The following HSD11B1L variants were observed in gnomAD, a reference collection of about 807,000 sequenced individuals.
HSD11B1L encodes the protein hydroxysteroid 11-beta dehydrogenase 1 like.
In HSD11B1L, 22 loss-of-function variants were observed where a neutral mutation model predicts 27.0. That is an observed-to-expected ratio of 0.81 (90% confidence interval 0.58 to 1.16). HSD11B1L has a LOEUF of 1.16. Ranked by LOEUF, HSD11B1L falls within the 50% of genes most tolerant of loss-of-function variation. The pLI is 0.00. For synonymous variants in HSD11B1L, 187 were observed against 189.2 expected (o/e 0.99, Z 0.09); for missense variants, 372 against 401.8 (o/e 0.93, Z 0.63).
In HSD11B1L at chr19:5,686,957, C is replaced by T. The variant is rs1214317274; in HGVS notation, c.374C>T (p.Ala125Val). ...HIGGAPAGTR[A>V]RSPQATRWLM... ...GGCGGCGCCCCGGCCGGCACGCGAG[C>T]CCGCAGCCCCCAGGCAACTCGCTGG... The change falls in exon 5 of 8, where the codon GCC (alanine) becomes GTC (valine). Residue 125 changes from alanine to valine, a missense_variant. By Grantham distance (64) the Ala-to-Val change is moderately conservative. Coordinates refer to ENST00000339423, the MANE Select transcript of HSD11B1L (RefSeq NM_198706.3). The T allele has an allele frequency of 1.3e-6, 2 of 1,551,442 alleles. No individual in the cohort carries two copies. The highest frequency in any genetic ancestry group is 1.9e-5 in the Admixed American group (1 of 51,498).
intron 3 of HSD11B1L, 21 bp from the exon 4 acceptor site, chr19:5,686,395 G>A (rs1329563310): frequency 6.6e-7 from 1 of 1,511,410 alleles, no homozygotes; most frequent in South Asian, 1.2e-5. Context: ...GAGGCCCACG[G>A]GCAGCTCTGG....
At chr19:5,684,149 G>A (rs1003082819) in intron 1 of HSD11B1L, 6 of 406,028 alleles carry the variant, frequency 1.5e-5, no homozygotes, top group African/African-American at 1.2e-4. Flanking sequence ...CTGAGTAGCT[G>A]GGATTACAGG....
At chr19:5,682,712 C>T (rs1451782262) in intron 1 of HSD11B1L, among the ~76,000 whole-genome samples, 2 of 151,814 alleles carry the variant, frequency 1.3e-5, no homozygotes, top group East Asian at 1.9e-4. Flanking sequence ...TAGGGCTGGA[C>T]CTACAGATGG....
intron 2 of HSD11B1L, 38 bp from the exon 3 acceptor site, chr19:5,684,951 T>A (rs1486683358): frequency 1.2e-6 from 2 of 1,612,828 alleles, no homozygotes; most frequent in Admixed American, 3.3e-5. Flanking sequence ...CCAGCTGTCC[T>A]GTCCTCCGCC....
At chr19:5,684,070 G>A (rs2054624340) in intron 1 of HSD11B1L, 1 of 480,372 alleles carries the variant, frequency 2.1e-6, no homozygotes, top group African/African-American at 2.0e-5. Flanking sequence ...CTGCCTCCCA[G>A]GTTCAAGCGA....
rs930510408 is a variant in HSD11B1L, at chr19:5,687,752, G to C, written c.669-1G>C. The C allele has an allele frequency of 4.0e-6, 6 of 1,485,350 alleles. No homozygotes were observed. The highest frequency in any genetic ancestry group is 3.6e-6 in the Non-Finnish European group (4 of 1,123,800). 92.0% of individuals were successfully genotyped at this position (1,485,350 alleles called of 1,614,324 possible). Reference sequence around the variant, plus strand: ...TCCCCACCGTGCCCTCCTGTCCCCAGGGGAGTCACGAGGGTCAAGGCGGCC... The same window carrying C: ...TCCCCACCGTGCCCTCCTGTCCCCACGGGAGTCACGAGGGTCAAGGCGGCC... On this transcript the variant is annotated splice_acceptor_variant, in intron 7 of 7. Transcript: ENST00000339423. LOFTEE classifies it high-confidence loss of function. This position sits in a 1 kb window ranked among gnomAD's most constrained non-coding sequence, Gnocchi z 6.6.
At chr19:5,684,047 C>G (rs2054623426) in intron 1 of HSD11B1L, 1 of 484,588 alleles carries the variant, frequency 2.1e-6, no homozygotes, top group South Asian at 3.6e-5. Context: ...CAAATCTCGG[C>G]ACACTACAAC....
intron 4 of HSD11B1L, 116 bp from the exon 5 acceptor site, chr19:5,686,784 G>A: frequency 1.2e-6 from 1 of 862,366 alleles, no homozygotes; most frequent in East Asian, 2.7e-5. Flanking sequence ...CGTAGTGGGA[G>A]TTACCTGGGG....
chr19:5,686,876 G>A lies in HSD11B1L; in HGVS notation c.317-24G>A, dbSNP rs1392063952. ...CGTTTCCTTGGGGAGGGGCCTCCGG[G>A]GCTGACCGGCGTTTCTGGGCCAGGC... On this transcript the variant is annotated intron_variant, in intron 4 of 7. Coordinates refer to ENST00000339423, the MANE Select transcript of HSD11B1L (RefSeq NM_198706.3). 29 of 1,530,490 alleles carry A rather than the reference G, an allele frequency of 1.9e-5. 1 individual carries two copies. In the Admixed American group the frequency reaches 5.3e-4, roughly 28 times the overall value. The allele number at this position is 1,530,490 out of a possible 1,614,324, so 94.8% of individuals were successfully genotyped here. A position where few individuals can be genotyped will look rare whatever the true frequency, so the allele number is the denominator to read the frequency against.
In HSD11B1L at chr19:5,688,295, G is replaced by C. The variant is rs1015652164; in HGVS notation, c.*350G>C. 13 of 983,944 alleles carry C rather than the reference G, an allele frequency of 1.3e-5. No individual in the cohort carries two copies. In the African/African-American group the frequency reaches 2.1e-4, roughly 16 times the overall value. The allele number at this position is 983,944 out of a possible 1,614,324, so 61.0% of individuals were successfully genotyped here. A position where few individuals can be genotyped will look rare whatever the true frequency, so the allele number is the denominator to read the frequency against. Reference sequence around the variant, plus strand: ...GGACCCCTCTCCATCTCCTGCCTGCGCCTTTAAGTCCCTGATTTATTCTTT... The same window carrying C: ...GGACCCCTCTCCATCTCCTGCCTGCCCCTTTAAGTCCCTGATTTATTCTTT... On this transcript the variant is annotated 3_prime_UTR_variant, in exon 8 of 8. Transcript: ENST00000339423.
In HSD11B1L at chr19:5,687,779, C is replaced by T. The variant is rs1171355632; in HGVS notation, c.695C>T (p.Pro232Leu). Residue 232 changes from proline to leucine, a missense_variant, in exon 8 of 8, where the codon CCG becomes CTG. By Grantham distance (98) the Pro-to-Leu change is moderately conservative. Coordinates refer to ENST00000339423, the MANE Select transcript of HSD11B1L (RefSeq NM_198706.3). The surrounding 1 kb of genome is among the most constrained non-coding windows in gnomAD (Gnocchi z 6.6). ...GGAGTCACGAGGGTCAAGGCGGCCCCGGGGCCCAAGGCAGCCCTGGCCGTG... is the reference window on the plus strand; with the variant it reads ...GGAGTCACGAGGGTCAAGGCGGCCCTGGGGCCCAAGGCAGCCCTGGCCGTG... ...VRGVTRVKAAPGPKAALAVIR... is the reference protein window; with the variant it reads ...VRGVTRVKAALGPKAALAVIR... The T allele has an allele frequency of 6.7e-7, 1 of 1,484,506 alleles. No individual in the cohort carries two copies. The highest frequency in any genetic ancestry group is 8.9e-7 in the Non-Finnish European group (1 of 1,124,590). 92.0% of individuals were successfully genotyped at this position (1,484,506 alleles called of 1,614,324 possible).
In HSD11B1L at chr19:5,687,066, G is replaced by C; in HGVS notation, c.408+75G>C. 7.4e-7 allele frequency: 1 copy of C among 1,356,820 alleles called. No homozygotes were observed. The highest frequency in any genetic ancestry group is 1.0e-6 in the Non-Finnish European group (1 of 988,888). The allele number at this position is 1,356,820 out of a possible 1,614,324, so 84.0% of individuals were successfully genotyped here. A position where few individuals can be genotyped will look rare whatever the true frequency, so the allele number is the denominator to read the frequency against. On this transcript the variant is annotated intron_variant, in intron 5 of 7. Transcript: ENST00000339423. The surrounding 1 kb of genome is among the most constrained non-coding windows in gnomAD (Gnocchi z 6.6). ...GTGGTCCGTTCCCTTCGCGGTCCGG[G>C]TTCTGCCTTCTCCAGGGAGGGCTCT...
rs779404818 is a variant in HSD11B1L at position 5,687,700 on chromosome 19, G to A, written c.668+32G>A. 26 of 1,536,978 alleles carry A rather than the reference G, an allele frequency of 1.7e-5. No homozygotes were observed. The highest frequency in any genetic ancestry group is 2.1e-5 in the Non-Finnish European group (24 of 1,148,350). The stretch of plus-strand genomic sequence containing the variant: ...CCCGGACAAGCTGGGGGCTGGGCTG[G>A]GGGCCATGGCCCAGCCCCAGCCGCA... On this transcript the variant is annotated intron_variant, in intron 7 of 7. Coordinates refer to ENST00000339423, the MANE Select transcript of HSD11B1L (RefSeq NM_198706.3). This position sits in a 1 kb window ranked among gnomAD's most constrained non-coding sequence, Gnocchi z 6.6.
Position 5,687,650 on chromosome 19 carries a change from C to A in HSD11B1L, c.650C>A (p.Ser217Tyr), listed in dbSNP as rs772953499. 3 of 1,588,886 alleles carry A rather than the reference C, an allele frequency of 1.9e-6. No individual in the cohort carries two copies. The South Asian group carries it at 3.4e-5, about 18-fold the overall frequency. ...GTCCTGGGCCTCCGAGATCGCGCCT[C>A]CGCCGCCGAGGCAGTCAGGTGAGGC... The part of the protein sequence containing the change: ...MCVLGLRDRA[S>Y]AAEAVRGVTR... Residue 217 changes from serine (S) to tyrosine (Y), a missense_variant, in exon 7 of 8, where the codon TCC (serine) becomes TAC (tyrosine). By Grantham distance (144) the Ser-to-Tyr change is moderately radical (BLOSUM62 -2). Transcript: ENST00000339423. This position sits in a 1 kb window ranked among gnomAD's most constrained non-coding sequence, Gnocchi z 6.6.
chr19:5,686,506 C>A lies in HSD11B1L; in HGVS notation c.295C>A (p.Gln99Lys). The A allele has an allele frequency of 6.3e-7, 1 of 1,582,628 alleles. No individual in the cohort carries two copies. The change falls in exon 4 of 8, where the codon CAG becomes AAG. Residue 99 changes from glutamine (Q) to lysine (K), a missense_variant. By Grantham distance (53) the Gln-to-Lys change is moderately conservative. Coordinates refer to ENST00000339423, the MANE Select transcript of HSD11B1L (RefSeq NM_198706.3). ...ASPEAPESVV[Q>K]FALDKLGGLD... The stretch of plus-strand genomic sequence containing the variant: ...CCCTGAGGCGCCCGAGAGCGTGGTG[C>A]AGTTTGCGCTGGACAAGCTGGGTGA...
Position 5,687,491 on chromosome 19 carries a change from C to T in HSD11B1L, c.503-12C>T. Reference sequence around the variant, plus strand: ...GGGGGAGCCACTCAGCCGCTGCCGTCCGCGCCCCCAGGCCGCGTGCCCACG... The same window carrying T: ...GGGGGAGCCACTCAGCCGCTGCCGTTCGCGCCCCCAGGCCGCGTGCCCACG... On this transcript the variant is annotated splice_polypyrimidine_tract_variant and intron_variant, in intron 6 of 7. Transcript: ENST00000339423. This position sits in a 1 kb window ranked among gnomAD's most constrained non-coding sequence, Gnocchi z 6.6. 6.3e-7 allele frequency: 1 copy of T among 1,591,748 alleles called. No individual in the cohort carries two copies. Among genetic ancestry groups the T allele is most frequent in the Non-Finnish European group, 8.5e-7 (1 of 1,174,480 alleles).
chr19:5,685,103 A>G lies in HSD11B1L; in HGVS notation c.188A>G (p.Glu63Gly). 1.0e-5 allele frequency: 16 copies of G among 1,548,838 alleles called. No homozygotes were observed. The highest frequency in any genetic ancestry group is 1.4e-5 in the Non-Finnish European group (16 of 1,147,170). The change falls in exon 3 of 8, where the codon GAG (glutamate) becomes GGG (glycine). Residue 63 changes from glutamate (E) to glycine (G), a missense_variant. By Grantham distance (98) the Glu-to-Gly change is moderately conservative (BLOSUM62 -2). Coordinates refer to ENST00000339423, the MANE Select transcript of HSD11B1L (RefSeq NM_198706.3). This position sits in a 1 kb window ranked among gnomAD's most constrained non-coding sequence, Gnocchi z 4.3. ...GSHLVLTAHT[E>G]ALLQKVVGNC... ...CACCTGGTGCTCACTGCCCACACTG[A>G]GGCTCTCCTGCAGAAGGTGAGCCAC...
chr19:5,682,037 G>A (rs548707731), intron 1 of HSD11B1L, among the ~76,000 whole-genome samples: 1 of 152,222 alleles, frequency 6.6e-6, no homozygotes, highest in Non-Finnish European at 1.5e-5. Flanking sequence ...GGCATGCCTG[G>A]TGTGTCTGGG....
In HSD11B1L at chr19:5,687,243, G is replaced by A. The variant is rs747831169; in HGVS notation, c.409-39G>A. On this transcript the variant is annotated intron_variant, in intron 5 of 7. Transcript: ENST00000339423. The surrounding 1 kb of genome is among the most constrained non-coding windows in gnomAD (Gnocchi z 6.6). ...GTTTCTGGCCCCGCCCTGCCCCTGG[G>A]CTCCGCCTCTGCCGGTGACTCGCGA... The A allele has an allele frequency of 6.2e-7, 1 of 1,603,774 alleles. No homozygotes were observed. The highest frequency in any genetic ancestry group is 1.3e-5 in the African/African-American group (1 of 74,846).
Sources: allele counts gnomAD v4.1 joint callset (sites outside exome capture counted in the v4.1 genomes callset), GRCh38; gene constraint gnomAD v4.1.1; non-coding constraint Gnocchi (gnomAD v3.1); transcripts MANE v1.5; gene names NCBI Gene and HGNC (gene_info 2026-07-23, HGNC 2026-07-21).